PPP6C: variants seen among roughly 807,000 people sequenced by gnomAD.
PPP6C encodes the protein serine/threonine-protein phosphatase 6 catalytic subunit.
In PPP6C, 11 loss-of-function variants were observed where a neutral mutation model predicts 39.8. The observed-to-expected ratio is 0.28, with a 90% confidence interval of 0.17 to 0.46. The LOEUF (loss-of-function observed/expected upper bound fraction) is 0.46, where lower values mean the gene tolerates loss of function less well. Ranked by LOEUF, PPP6C falls within the 20% of genes least tolerant of loss-of-function variation. PPP6C has a pLI of 1.00. For missense variants in PPP6C, 211 were observed against 373.9 expected, an observed-to-expected ratio of 0.56 and a Z score of 3.59; for synonymous variants, 129 against 130.3, an observed-to-expected ratio of 0.99 and a Z score of 0.07.
chr9:125,161,935 C>T (rs1828884297), intron 2 of PPP6C, among the ~76,000 whole-genome samples: 1 of 152,132 alleles, frequency 6.6e-6, no homozygotes, highest in Non-Finnish European at 1.5e-5. Flanking sequence ...CTAACACATT[C>T]ATCTTTTACA....
chr9:125,162,956 T>C (rs1199371998), intron 2 of PPP6C, among the ~76,000 whole-genome samples: 1 of 151,738 alleles, frequency 6.6e-6, no homozygotes, highest in Non-Finnish European at 1.5e-5. Flanking sequence ...CGGGCACCTG[T>C]AGTCCCAGCT....
At chr9:125,157,264 A>G (rs1001943187) in intron 4 of PPP6C, among the ~76,000 whole-genome samples, 3 of 151,924 alleles carry the variant, frequency 2.0e-5, no homozygotes, top group Non-Finnish European at 4.4e-5. Flanking sequence ...TACAGGGGTG[A>G]GCCACTGCGC....
At position 125,188,566 on chromosome 9, in the gene PPP6C, A is replaced by C. The variant is rs368357866; in HGVS notation, c.75+1078T>G. Reference sequence around the variant, plus strand: ...TTTGGTAGGCCGAAGCGGGCGGATCACTTGAGGTCAGGAGTTCAAGACCAG... The same window carrying C: ...TTTGGTAGGCCGAAGCGGGCGGATCCCTTGAGGTCAGGAGTTCAAGACCAG... On this transcript the variant is annotated intron_variant, in intron 1 of 6. Coordinates refer to ENST00000373547, the MANE Select transcript of PPP6C (RefSeq NM_002721.5). Among the ~76,000 whole-genome samples the C allele has an allele frequency of 5.7e-4, 86 of 152,090 alleles. 1 individual carries two copies. In the East Asian group the frequency reaches 0.014, roughly 25 times the overall value.
intron 4 of PPP6C, among the ~76,000 whole-genome samples, chr9:125,156,744 G>GCTCTCTCTCTCTCT (rs61252351): frequency 1.5e-4 from 21 of 141,440 alleles, no homozygotes; most frequent in Non-Finnish European, 2.9e-4. Context: ...TAATAAGCTC[G>GCTCTCTCTCTCTCT]CTCTCTCTCT....
chr9:125,157,447 T>C (rs1836107696), intron 4 of PPP6C, among the ~76,000 whole-genome samples: 1 of 152,160 alleles, frequency 6.6e-6, no homozygotes, highest in Non-Finnish European at 1.5e-5. Flanking sequence ...GCTACATCCA[T>C]ATGGTATATG....
At chr9:125,156,413 A>G (rs189274457) in intron 4 of PPP6C, among the ~76,000 whole-genome samples, 1 of 152,040 alleles carries the variant, frequency 6.6e-6, no homozygotes, top group Admixed American at 6.6e-5. Context: ...AGCTGGGACT[A>G]CAGGCAAGTG....
intron 2 of PPP6C, among the ~76,000 whole-genome samples, chr9:125,164,742 A>T (rs1292696456): frequency 6.6e-6 from 1 of 151,900 alleles, no homozygotes; most frequent in African/African-American, 2.4e-5. Flanking sequence ...CAGCCTGGGA[A>T]GTGGATTTTT....
intron 1 of PPP6C, among the ~76,000 whole-genome samples, chr9:125,183,974 G>T (rs1829470618): frequency 6.6e-6 from 1 of 152,186 alleles, no homozygotes; most frequent in Non-Finnish European, 1.5e-5. Context: ...ATAAGTGTTT[G>T]TTGGCTGGGC....
chr9:125,158,967 CCACCATTTTT>C (rs1298991061), intron 3 of PPP6C, among the ~76,000 whole-genome samples: 1 of 151,202 alleles, frequency 6.6e-6, no homozygotes, highest in African/African-American at 2.4e-5. Flanking sequence ...CCTGGCAAAA[CCACCATTTTT>C]TCAATCCTCT....
chr9:125,180,456 C>T (rs1829397286), intron 1 of PPP6C, among the ~76,000 whole-genome samples: 1 of 152,118 alleles, frequency 6.6e-6, no homozygotes. Context: ...GAGTTTCGCT[C>T]TTGTCACCCA....
At chr9:125,182,746 C>T (rs780637325) in intron 1 of PPP6C, among the ~76,000 whole-genome samples, 29 of 148,126 alleles carry the variant, frequency 2.0e-4, no homozygotes, top group African/African-American at 6.8e-4. Context: ...CCGACATCTA[C>T]GCCTACTAGA....
intron 1 of PPP6C, among the ~76,000 whole-genome samples, chr9:125,173,184 G>A (rs541845662): frequency 5.9e-5 from 9 of 152,074 alleles, no homozygotes; most frequent in Middle Eastern, 3.4e-3. Flanking sequence ...AGGCTGAGGT[G>A]GGTGGATCAC....
chr9:125,156,554 G>A (rs72767007), intron 4 of PPP6C, among the ~76,000 whole-genome samples: 21,544 of 152,190 alleles, frequency 0.14, 1,634 homozygotes, highest in East Asian at 0.23. Flanking sequence ...TTACAGGCAT[G>A]AGCCACCACA....
chr9:125,154,664 A>C (rs1314050916), intron 4 of PPP6C, among the ~76,000 whole-genome samples: 1 of 152,212 alleles, frequency 6.6e-6, no homozygotes, highest in Non-Finnish European at 1.5e-5. Flanking sequence ...TAAGCAGATA[A>C]ATTTATTTAA....
intron 6 of PPP6C, chr9:125,151,457 A>G (rs182610027): frequency 3.2e-4 from 258 of 800,264 alleles, no homozygotes; most frequent in Non-Finnish European, 5.4e-4. Context: ...CACCAATAAC[A>G]TACCCCAGGA....
chr9:125,172,820 G>T (rs547849295), intron 1 of PPP6C, among the ~76,000 whole-genome samples: 1 of 152,080 alleles, frequency 6.6e-6, no homozygotes, highest in South Asian at 2.1e-4. Flanking sequence ...TGATGATCTT[G>T]GGTTGTACCT....
chr9:125,173,096 G>A (rs1213953361), intron 1 of PPP6C, among the ~76,000 whole-genome samples: 4 of 151,976 alleles, frequency 2.6e-5, no homozygotes. Flanking sequence ...GACCAACATG[G>A]CAAAACCCCC....
intron 1 of PPP6C, chr9:125,188,773 G>A (rs527306248): frequency 1.1e-4 from 24 of 223,968 alleles, no homozygotes; most frequent in Admixed American, 6.5e-4. Context: ...GACAGAGTGA[G>A]ACTCTATCTC....
chr9:125,171,300 G>A, intron 1 of PPP6C, 120 bp from the exon 2 acceptor site: 1 of 679,266 alleles, frequency 1.5e-6, no homozygotes, highest in Non-Finnish European at 2.3e-6. Flanking sequence ...TTTTTGATAG[G>A]AAAGTACCCT....
Sources: gnomAD v4.1 joint callset for allele counts (sites outside exome capture counted in the v4.1 genomes callset) on GRCh38, gnomAD v4.1.1 for gene constraint, MANE v1.5 for transcripts, NCBI Gene and HGNC (gene_info 2026-07-23, HGNC 2026-07-21) for gene names.